The following CYRIB variants were observed in gnomAD, a reference collection of about 807,000 sequenced individuals.
CYRIB encodes the protein CYFIP-related Rac1 interactor B.
CYRIB carries 8 observed loss-of-function variants against 44.2 expected under a neutral mutation model. That is an observed-to-expected ratio of 0.18 (90% confidence interval 0.11 to 0.33). CYRIB has a LOEUF of 0.33. Ranked by LOEUF, CYRIB falls within the 10% of genes least tolerant of loss-of-function variation. The pLI, the probability that CYRIB is intolerant of heterozygous loss-of-function variation, is 1.00. For missense variants in CYRIB, 185 were observed against 382.8 expected (o/e 0.48, Z 4.31); for synonymous variants, 131 against 127.2 (o/e 1.03, Z -0.20).
At chr8:129,879,328 G>C in intron 3 of CYRIB, 61 bp downstream of exon 5, 1 of 1,091,600 alleles carries the variant, frequency 9.2e-7, no homozygotes, top group Admixed American at 1.8e-5. Flanking sequence ...CATTCATTTA[G>C]TGCAAGACAA....
upstream of CYRIB, among the ~76,000 whole-genome samples, chr8:129,942,067 G>A (rs1458377369): frequency 6.6e-6 from 1 of 152,188 alleles, no homozygotes; most frequent in Non-Finnish European, 1.5e-5. Flanking sequence ...TGGACCAGGT[G>A]CAGTGGCTCA....
intron 1 of CYRIB, among the ~76,000 whole-genome samples, chr8:129,994,957 G>C (rs1039339572): frequency 1.3e-5 from 2 of 152,220 alleles, no homozygotes; most frequent in Non-Finnish European, 2.9e-5. Context: ...TCAGAGCAGA[G>C]GGTGGCAGTG....
chr8:129,877,138 A>AAT (rs1232306178), intron 3 of CYRIB, among the ~76,000 whole-genome samples: 1 of 152,260 alleles, frequency 6.6e-6, no homozygotes, highest in Non-Finnish European at 1.5e-5. Flanking sequence ...TAAAAATCTA[A>AAT]ATAAGAAATA....
chr8:129,994,277 G>A (rs1458313976), intron 1 of CYRIB, among the ~76,000 whole-genome samples: 1 of 152,046 alleles, frequency 6.6e-6, no homozygotes, highest in African/African-American at 2.4e-5. Context: ...GCTGGGGGGG[G>A]TGGCATGGAA....
At chr8:129,975,489 C>CT (rs1343828336) in intron 1 of CYRIB, among the ~76,000 whole-genome samples, 2 of 152,120 alleles carry the variant, frequency 1.3e-5, no homozygotes, top group African/African-American at 4.8e-5. Context: ...AAATAGTTTC[C>CT]TTTTTTCTTA....
intron 1 of CYRIB, among the ~76,000 whole-genome samples, chr8:129,907,778 G>C (rs2076186331): frequency 6.6e-6 from 1 of 152,250 alleles, no homozygotes; most frequent in African/African-American, 2.4e-5. Context: ...AAGGTGGGTG[G>C]ATCACCTAAG....
At chr8:129,926,460 T>C (rs981181065) in intron 1 of CYRIB, among the ~76,000 whole-genome samples, 1 of 152,170 alleles carries the variant, frequency 6.6e-6, no homozygotes. Context: ...CTACCAGAGA[T>C]TAAACTTCAG....
intron 1 of CYRIB, chr8:129,912,664 A>T (rs757643819): frequency 6.6e-6 from 1 of 151,902 alleles, no homozygotes; most frequent in Non-Finnish European, 1.5e-5. Context: ...CTTTATTTTT[A>T]TTTTTTTATT....
intron 4 of CYRIB, 95 bp downstream of exon 6, chr8:129,871,280 T>C (rs2057094605): frequency 7.3e-7 from 1 of 1,374,292 alleles, no homozygotes; most frequent in Non-Finnish European, 9.8e-7. Context: ...ATACTTAATA[T>C]GAAATATAGA....
intron 1 of CYRIB, among the ~76,000 whole-genome samples, chr8:130,008,769 G>A (rs530410616): frequency 5.9e-5 from 9 of 152,294 alleles, no homozygotes; most frequent in South Asian, 2.1e-4. Context: ...TTGGTCTCTC[G>A]TGTCCCAGAA....
intron 4 of CYRIB, among the ~76,000 whole-genome samples, chr8:129,866,587 A>G (rs1426220982): frequency 6.6e-6 from 1 of 152,250 alleles, no homozygotes; most frequent in African/African-American, 2.4e-5. Flanking sequence ...AACTAAAAAC[A>G]GTAACAACAA....
chr8:129,911,436 T>G (rs2077965661), intron 1 of CYRIB, among the ~76,000 whole-genome samples: 1 of 152,214 alleles, frequency 6.6e-6, no homozygotes, highest in South Asian at 2.1e-4. Flanking sequence ...TCTGTAGATG[T>G]GATTTCTTGT....
intron 8 of CYRIB, 76 bp from the exon 11 acceptor site, chr8:129,850,990 T>C: frequency 1.0e-6 from 1 of 983,500 alleles, no homozygotes; most frequent in South Asian, 1.4e-5. Flanking sequence ...AAATTTAGCG[T>C]AATATGAAAA....
intron 2 of CYRIB, among the ~76,000 whole-genome samples, chr8:129,893,731 C>A (rs1356696040): frequency 6.6e-6 from 1 of 151,940 alleles, no homozygotes; most frequent in East Asian, 1.9e-4. Context: ...GATGGGTTCT[C>A]GCTATGTTGT....
chr8:129,950,966 A>G (rs2094470765), intron 2 of CYRIB, among the ~76,000 whole-genome samples: 1 of 152,220 alleles, frequency 6.6e-6, no homozygotes, highest in South Asian at 2.1e-4. Flanking sequence ...CTCAGAAATG[A>G]AGGGTTTGCT....
At chr8:129,852,698 T>C (rs1202732951) in intron 7 of CYRIB, among the ~76,000 whole-genome samples, 1 of 152,166 alleles carries the variant, frequency 6.6e-6, no homozygotes, top group Non-Finnish European at 1.5e-5. Flanking sequence ...GAGTTATCCT[T>C]TTGCAGGTCA....
At chr8:129,887,041 C>T (rs969360676) in intron 2 of CYRIB, among the ~76,000 whole-genome samples, 7 of 152,160 alleles carry the variant, frequency 4.6e-5, no homozygotes, top group Admixed American at 1.3e-4. Context: ...TTTGTGTCTC[C>T]GCCCAAATTC....
intron 1 of CYRIB, among the ~76,000 whole-genome samples, chr8:129,994,185 G>C (rs1012156898): frequency 6.6e-6 from 1 of 152,152 alleles, no homozygotes; most frequent in African/African-American, 2.4e-5. Context: ...CACACACACA[G>C]GGAGAAGGCC....
intron 5 of CYRIB, among the ~76,000 whole-genome samples, chr8:129,856,802 G>A (rs1001841673): frequency 6.6e-6 from 1 of 152,104 alleles, no homozygotes; most frequent in African/African-American, 2.4e-5. Context: ...AGAACTTAGA[G>A]CCCAAAGTTA....
Sources: allele counts gnomAD v4.1 joint callset (sites outside exome capture counted in the v4.1 genomes callset), GRCh38; gene constraint gnomAD v4.1.1; transcripts MANE v1.5; gene names NCBI Gene and HGNC (gene_info 2026-07-23, HGNC 2026-07-21).